The following TKFC variants were observed in gnomAD, a reference collection of about 807,000 sequenced individuals.
TKFC encodes the protein triokinase and FMN cyclase.
TKFC carries 46 observed loss-of-function variants against 61.0 expected under a neutral mutation model. That is an observed-to-expected ratio of 0.75 (90% CI 0.60 to 0.96). The LOEUF is 0.96. TKFC is among the 50% of genes least tolerant of loss of function. The pLI, the probability that TKFC is intolerant of heterozygous loss-of-function variation, is 0.00. For synonymous variants in TKFC, 314 were observed against 330.1 expected (o/e 0.95, Z 0.53); for missense variants, 715 against 777.5 (o/e 0.92, Z 0.96).
Position 61,341,812 on chromosome 11 carries a change from G to A in TKFC, c.566-11G>A. Reference sequence around the variant, plus strand: ...TGGAACAGTCATCCCTTCATGCCTTGTTTCTCATAGGTACCCTGGGGGTGA... The same window carrying A: ...TGGAACAGTCATCCCTTCATGCCTTATTTCTCATAGGTACCCTGGGGGTGA... On this transcript the variant is annotated splice_polypyrimidine_tract_variant and intron_variant, in intron 6 of 17. Coordinates refer to ENST00000394900, the MANE Select transcript of TKFC (RefSeq NM_015533.4). 1 of 1,612,906 alleles carries A rather than the reference G, an allele frequency of 6.2e-7. No individual in the cohort carries two copies. Among genetic ancestry groups the A allele is most frequent in the Non-Finnish European group, 8.5e-7 (1 of 1,178,946 alleles).
chr11:61,350,818 C>A, downstream of TKFC: 1 of 875,988 alleles, frequency 1.1e-6, no homozygotes, highest in Non-Finnish European at 1.7e-6. Context: ...CACTGGGATG[C>A]GCTGGTTTGG....
At position 61,346,422 on chromosome 11, in the gene TKFC, A is replaced by T; in HGVS notation, c.1647A>T (p.Ser549=). The T allele has an allele frequency of 6.2e-7, 1 of 1,612,278 alleles. No individual in the cohort carries two copies. Among genetic ancestry groups the T allele is most frequent in the African/African-American group, 1.3e-5 (1 of 75,060 alleles). ...AGAGRASYIS[S]ARLEQPDPGA... is the part of the protein sequence containing the mutation. ...CCGGAAGAGCCAGTTATATCAGCTC[A>T]GCACGGCTGGAGCAGCCAGACCCCG... The change falls in exon 18 of 18, where the codon TCA becomes TCT. Residue 549 remains serine (S), a synonymous_variant. Transcript: ENST00000394900. This position sits in a 1 kb window ranked among gnomAD's most constrained non-coding sequence, Gnocchi z 4.1.
intron 2 of TKFC, among the ~76,000 whole-genome samples, chr11:61,335,006 A>T (rs1856545099): frequency 1.3e-5 from 2 of 152,148 alleles, no homozygotes; most frequent in South Asian, 4.1e-4. Context: ...ATTCAGAGTA[A>T]AACAGTAACA....
chr11:61,340,675 C>A (rs10897152), intron 5 of TKFC, among the ~76,000 whole-genome samples: 142,426 of 144,302 alleles, frequency 0.99, 70,334 homozygotes, highest in Middle Eastern at 1. Flanking sequence ...CTTATGGTCT[C>A]TTCACGCCAG....
chr11:61,346,266 G>A lies in TKFC; in HGVS notation c.1576-85G>A. ...GGGCAAGGGCGTGCAGGGCCAGGCT[G>A]CACGGCAGAGACGTTCTGCCCATGG... On this transcript the variant is annotated intron_variant, in intron 17 of 17. Transcript: ENST00000394900. This position sits in a 1 kb window ranked among gnomAD's most constrained non-coding sequence, Gnocchi z 4.1. 1 of 1,598,548 alleles carries A rather than the reference G, an allele frequency of 6.3e-7. No homozygotes were observed. Among genetic ancestry groups the A allele is most frequent in the East Asian group, 2.2e-5 (1 of 44,840 alleles).
chr11:61,338,988 C>T, intron 3 of TKFC, 78 bp from the exon 4 acceptor site: 1 of 1,276,540 alleles, frequency 7.8e-7, no homozygotes, highest in Non-Finnish European at 1.1e-6. Context: ...AAACCATGAC[C>T]CCCGGAGTGT....
At position 61,347,898 on chromosome 11, in the gene TKFC, A is replaced by T; in HGVS notation, c.*1395A>T. ...ACAGTCCAAGTGCTCACTCACTGAG[A>T]GTTACGGTTATCACAGGGGTTGGGC... On this transcript the variant is annotated 3_prime_UTR_variant, in exon 18 of 18. Coordinates refer to ENST00000394900, the MANE Select transcript of TKFC (RefSeq NM_015533.4). 1 of 985,322 alleles carries T rather than the reference A, an allele frequency of 1.0e-6. No homozygotes were observed. The highest frequency in any genetic ancestry group is 4.7e-5 in the South Asian group (1 of 21,286). 61.0% of individuals were successfully genotyped at this position (985,322 alleles called of 1,614,324 possible). A position where few individuals can be genotyped will look rare whatever the true frequency, so the allele number is the denominator to read the frequency against.
rs1476668765 is a variant in TKFC, at chr11:61,339,369, C to T, written c.420C>T (p.Asp140=). Residue 140 remains aspartate (D), a synonymous_variant, in exon 5 of 18, where the codon GAC becomes GAT. Transcript: ENST00000394900. The stretch of plus-strand genomic sequence containing the variant: ...TGGAGATGGTGGTGATTGGGGACGA[C>T]AGCGCCTTCACTGTCCTGAAGAAGG... ...IPVEMVVIGD[D]SAFTVLKKAG... 1.2e-6 allele frequency: 2 copies of T among 1,613,596 alleles called. No homozygotes were observed. The highest frequency in any genetic ancestry group is 8.5e-7 in the Non-Finnish European group (1 of 1,180,014).
chr11:61,350,835 T>G, downstream of TKFC: 1 of 1,070,502 alleles, frequency 9.3e-7, no homozygotes. Flanking sequence ...TTGGGACCAG[T>G]GCTCCCCATC....
chr11:61,334,373 GTGGGTGCTGTTCC>G (rs1856514299), intron 1 of TKFC: 1 of 245,394 alleles, frequency 4.1e-6, no homozygotes, highest in Non-Finnish European at 8.1e-6. Context: ...TAGTGATGAA[GTGGGTGCTGTTCC>G]TGGACATAAA....
At position 61,347,009 on chromosome 11, in the gene TKFC, T is replaced by C. The variant is rs1216406643; in HGVS notation, c.*506T>C. ...GCTGCAGGCATCATGACCCATCTTCTACCAGGCAGATCTTTATTACCTGAG... is the reference window on the plus strand; with the variant it reads ...GCTGCAGGCATCATGACCCATCTTCCACCAGGCAGATCTTTATTACCTGAG... On this transcript the variant is annotated 3_prime_UTR_variant, in exon 18 of 18. Transcript: ENST00000394900. 3.0e-6 allele frequency: 3 copies of C among 986,268 alleles called. No individual in the cohort carries two copies. The highest frequency in any genetic ancestry group is 6.1e-5 in the Admixed American group (1 of 16,426). 61.1% of individuals were successfully genotyped at this position (986,268 alleles called of 1,614,324 possible).
At position 61,347,675 on chromosome 11, in the gene TKFC, T is replaced by C. The variant is rs1857204085; in HGVS notation, c.*1172T>C. On this transcript the variant is annotated 3_prime_UTR_variant, in exon 18 of 18. Coordinates refer to ENST00000394900, the MANE Select transcript of TKFC (RefSeq NM_015533.4). ...ACAAACAGCACATGCCTGGCACACA[T>C]GTAGGGTAGGGAGTGGTTAAAGGCA... The C allele has an allele frequency of 5.1e-6, 5 of 985,126 alleles. No homozygotes were observed. The highest frequency in any genetic ancestry group is 6.2e-5 in the Admixed American group (1 of 16,254). The allele number at this position is 985,126 out of a possible 1,614,324, so 61.0% of individuals were successfully genotyped here.
rs764029985 is a variant in TKFC, at chr11:61,346,381, A to C, written c.1606A>C (p.Asn536His). The C allele has an allele frequency of 6.2e-7, 1 of 1,612,842 alleles. No homozygotes were observed. The highest frequency in any genetic ancestry group is 1.7e-5 in the Admixed American group (1 of 60,026). ...SAEAAAEATK[N>H]MEAGAGRASY... ...CGAAGCTGCAGCCGAGGCCACCAAG[A>C]ATATGGAAGCTGGAGCCGGAAGAGC... Residue 536 changes from asparagine (N) to histidine (H), a missense_variant, in exon 18 of 18, where the codon AAT becomes CAT. Transcript: ENST00000394900. The surrounding 1 kb of genome is among the most constrained non-coding windows in gnomAD (Gnocchi z 4.1).
At chr11:61,342,206 C>G in intron 7 of TKFC, 1 of 614,690 alleles carries the variant, frequency 1.6e-6, no homozygotes, top group Non-Finnish European at 2.9e-6. Flanking sequence ...AACGGCTGTT[C>G]AAAGATCACC....
At chr11:61,339,623 G>A (rs1479619795) in intron 5 of TKFC, 188 bp downstream of exon 5, 4 of 654,280 alleles carry the variant, frequency 6.1e-6, no homozygotes, top group Non-Finnish European at 1.0e-5. Context: ...CATTTTCCCA[G>A]ACTCGTCCCC....
chr11:61,345,917 C>G lies in TKFC; in HGVS notation c.1546C>G (p.Leu516Val), dbSNP rs773625975. 4.3e-6 allele frequency: 7 copies of G among 1,614,048 alleles called. No individual in the cohort carries two copies. The East Asian group carries it at 1.1e-4, about 26-fold the overall frequency. The change falls in exon 17 of 18, where the codon CTG (leucine) becomes GTG (valine). Residue 516 changes from leucine to valine, a missense_variant. Coordinates refer to ENST00000394900, the MANE Select transcript of TKFC (RefSeq NM_015533.4). Reference protein sequence around the residue: ...LQAWKSPGADLLQVLTKAVKS... With the variant: ...LQAWKSPGADVLQVLTKAVKS... ...AGCCTGGAAGAGCCCAGGAGCTGAT[C>G]TGTTACAAGTCCTGACCAAAGCAGT...
Position 61,343,083 on chromosome 11 carries a change from T to A in TKFC, c.865+239T>A, listed in dbSNP as rs1256469273. 6.5e-6 allele frequency: 4 copies of A among 611,876 alleles called. No individual in the cohort carries two copies. The East Asian group carries it at 1.1e-4, about 17-fold the overall frequency. The allele number at this position is 611,876 out of a possible 1,614,324, so 37.9% of individuals were successfully genotyped here. On this transcript the variant is annotated intron_variant, in intron 10 of 17. Coordinates refer to ENST00000394900, the MANE Select transcript of TKFC (RefSeq NM_015533.4). ...AGGATTAAGTGAGATTAAACATATG[T>A]AAGACACTCAACACAGCGCCCAGCA...
At position 61,346,259 on chromosome 11, in the gene TKFC, C is replaced by G. The variant is rs772755158; in HGVS notation, c.1576-92C>G. 1.4e-5 allele frequency: 23 copies of G among 1,593,646 alleles called. No individual in the cohort carries two copies. The highest frequency in any genetic ancestry group is 2.0e-5 in the Non-Finnish European group (23 of 1,175,460). On this transcript the variant is annotated intron_variant, in intron 17 of 17. Transcript: ENST00000394900. The surrounding 1 kb of genome is among the most constrained non-coding windows in gnomAD (Gnocchi z 4.1). ...AGAGCCAGGGCAAGGGCGTGCAGGG[C>G]CAGGCTGCACGGCAGAGACGTTCTG...
downstream of TKFC, chr11:61,353,279 C>T (rs910892026): frequency 1.8e-6 from 2 of 1,099,302 alleles, no homozygotes; most frequent in Non-Finnish European, 2.5e-6. Context: ...TTGCCCACTA[C>T]CGTGCTAGCT....
Sources: allele counts gnomAD v4.1 joint callset (sites outside exome capture counted in the v4.1 genomes callset), GRCh38; gene constraint gnomAD v4.1.1; non-coding constraint Gnocchi (gnomAD v3.1); transcripts MANE v1.5; gene names NCBI Gene and HGNC (gene_info 2026-07-23, HGNC 2026-07-21).